PCCB: variants seen among roughly 807,000 people sequenced by gnomAD.
PCCB encodes propionyl-CoA carboxylase subunit beta, also known as propionyl-CoA carboxylase beta chain, mitochondrial.
A neutral mutation model predicts 60.7 loss-of-function variants in PCCB; 43 were observed. The ratio of observed to expected loss-of-function variants is 0.71; its 90% CI spans 0.55 to 0.91. PCCB has a LOEUF of 0.91. PCCB is among the 40% of genes least tolerant of loss of function. The probability of loss-of-function intolerance (pLI) is 0.00; values close to 1 mark genes in which losing one functional copy is unlikely to be tolerated. For missense variants in PCCB, 766 were observed against 702.8 expected (o/e 1.09, Z -1.02); for synonymous variants, 276 against 255.9 (o/e 1.08, Z -0.75).
intron 3 of PCCB, among the ~76,000 whole-genome samples, chr3:136,259,758 A>G (rs1411682003): frequency 1.3e-5 from 2 of 152,066 alleles, no homozygotes; most frequent in Non-Finnish European, 2.9e-5. Flanking sequence ...AACTATATGT[A>G]TGTATTTTTT....
intron 4 of PCCB, among the ~76,000 whole-genome samples, chr3:136,261,413 G>T (rs1941820831): frequency 6.6e-6 from 1 of 152,192 alleles, no homozygotes; most frequent in South Asian, 2.1e-4. Context: ...ATGGGTAAAT[G>T]AGGTAATGGA....
chr3:136,286,040 T>C (rs1177646990), intron 6 of PCCB, among the ~76,000 whole-genome samples: 1 of 152,218 alleles, frequency 6.6e-6, no homozygotes, highest in African/African-American at 2.4e-5. Context: ...AATGAGGAGT[T>C]AGCCCTACCA....
chr3:136,327,185 G>A lies in PCCB; in HGVS notation c.1229G>A (p.Arg410Gln), dbSNP rs778742647. 30 of 1,613,986 alleles carry A rather than the reference G, an allele frequency of 1.9e-5. No homozygotes were observed. Among genetic ancestry groups the A allele is most frequent in the East Asian group, 8.9e-5 (4 of 44,900 alleles). The change falls in exon 12 of 15, where the codon CGG becomes CAG. Residue 410 changes from arginine (R) to glutamine (Q), a missense_variant. Transcript: ENST00000251654. Reference protein sequence around the residue: ...GTAQEYGGIIRHGAKLLYAFA... With the variant: ...GTAQEYGGIIQHGAKLLYAFA... ...GCACAGGAATACGGGGGCATCATCC[G>A]GCATGGTGCCAAGCTTCTCTACGCA...
At chr3:136,292,689 G>T (rs920907514) in intron 6 of PCCB, among the ~76,000 whole-genome samples, 1 of 152,216 alleles carries the variant, frequency 6.6e-6, no homozygotes, top group African/African-American at 2.4e-5. Flanking sequence ...TGTATTGAAA[G>T]AATGTGTTGG....
At chr3:136,277,435 A>G (rs1312156874) in intron 5 of PCCB, among the ~76,000 whole-genome samples, 1 of 151,944 alleles carries the variant, frequency 6.6e-6, no homozygotes, top group Middle Eastern at 3.2e-3. Flanking sequence ...GTTGCCCAGG[A>G]GGTATTCTGG....
At chr3:136,327,765 C>A in intron 13 of PCCB, 33 bp downstream of exon 13, 1 of 1,512,582 alleles carries the variant, frequency 6.6e-7, no homozygotes, top group Non-Finnish European at 9.2e-7. Context: ...TTTCTGGGTC[C>A]AAGGACTCGA....
chr3:136,270,932 C>T (rs1576414752), intron 5 of PCCB, among the ~76,000 whole-genome samples: 1 of 151,990 alleles, frequency 6.6e-6, no homozygotes, highest in East Asian at 1.9e-4. Context: ...ATTTGTATAT[C>T]TTCTTTTGAG....
chr3:136,273,967 C>T (rs1942275911), intron 5 of PCCB, among the ~76,000 whole-genome samples: 1 of 149,418 alleles, frequency 6.7e-6, no homozygotes, highest in South Asian at 2.1e-4. Context: ...TTTTGGTTCC[C>T]ATTTGCATGG....
chr3:136,273,709 G>A (rs1326213543), intron 5 of PCCB, among the ~76,000 whole-genome samples: 1 of 145,322 alleles, frequency 6.9e-6, no homozygotes, highest in East Asian at 2.0e-4. Flanking sequence ...TCAGGAGATC[G>A]AGACCATCCT....
rs144907014 is a variant in PCCB at position 136,301,059 on chromosome 3, T to C, written c.914T>C (p.Ile305Thr). ...CGTCTGGTTCCTGAGCTTGACACAA[T>C]TGTCCCTTTGGAATCAACCAAAGCC... ...SDRLVPELDT[I>T]VPLESTKAYN... Residue 305 changes from isoleucine to threonine, a missense_variant, in exon 9 of 15, where the codon ATT (isoleucine) becomes ACT (threonine). Physicochemically the swap from Ile to Thr is moderately conservative, Grantham distance 89 (BLOSUM62 -1). Coordinates refer to ENST00000251654, the MANE Select transcript of PCCB (RefSeq NM_000532.5). 3 of 1,614,186 alleles carry C rather than the reference T, an allele frequency of 1.9e-6. No homozygotes were observed. The highest frequency in any genetic ancestry group is 2.5e-6 in the Non-Finnish European group (3 of 1,180,008).
Position 136,297,947 on chromosome 3 carries a change from C to A in PCCB, c.764-5C>A, listed in dbSNP as rs1934010592. 1.9e-6 allele frequency: 3 copies of A among 1,614,084 alleles called. No homozygotes were observed. Among genetic ancestry groups the A allele is most frequent in the South Asian group, 2.2e-5 (2 of 91,060 alleles). ...CTCAATCATATATGCTCCCTGTTCT[C>A]TTAGGTGTGGCCCACAGAGCTTTTG... On this transcript the variant is annotated splice_region_variant and splice_polypyrimidine_tract_variant and intron_variant, in intron 7 of 14. Coordinates refer to ENST00000251654, the MANE Select transcript of PCCB (RefSeq NM_000532.5).
At chr3:136,270,814 A>G (rs1176004099) in intron 5 of PCCB, among the ~76,000 whole-genome samples, 1 of 151,804 alleles carries the variant, frequency 6.6e-6, no homozygotes, top group East Asian at 1.9e-4. Context: ...CTGTTTTTTG[A>G]CTTTTTAATT....
intron 5 of PCCB, among the ~76,000 whole-genome samples, chr3:136,264,867 T>A (rs1576409860): frequency 2.1e-5 from 2 of 97,012 alleles, no homozygotes. Context: ...AGAGCAAGAC[T>A]CCGTCTCAAA....
chr3:136,315,599 G>T (rs1200523878), intron 9 of PCCB, among the ~76,000 whole-genome samples: 1 of 152,154 alleles, frequency 6.6e-6, no homozygotes, highest in Admixed American at 6.5e-5. Flanking sequence ...GGGAGGCTGA[G>T]GCAGGTGGAT....
intron 8 of PCCB, among the ~76,000 whole-genome samples, chr3:136,298,626 T>C (rs1271414898): frequency 6.6e-6 from 1 of 152,220 alleles, no homozygotes; most frequent in Non-Finnish European, 1.5e-5. Context: ...GGGACAGTCC[T>C]GGGGAAGGGT....
At chr3:136,277,103 C>T (rs912746721) in intron 5 of PCCB, among the ~76,000 whole-genome samples, 5 of 152,212 alleles carry the variant, frequency 3.3e-5, no homozygotes, top group Non-Finnish European at 7.3e-5. Flanking sequence ...AACACTAGTG[C>T]TGATGGGAGT....
At chr3:136,293,120 C>T (rs1933773410) in intron 6 of PCCB, among the ~76,000 whole-genome samples, 1 of 152,140 alleles carries the variant, frequency 6.6e-6, no homozygotes, top group African/African-American at 2.4e-5. Context: ...TCCCGCCTCA[C>T]TCTCCTGAAT....
intron 5 of PCCB, among the ~76,000 whole-genome samples, chr3:136,269,929 T>G (rs1478547937): frequency 6.7e-6 from 1 of 150,158 alleles, no homozygotes; most frequent in Non-Finnish European, 1.5e-5. Flanking sequence ...ATCCTTGTCT[T>G]GTTCCTAATC....
chr3:136,313,984 G>T (rs1345755596), intron 9 of PCCB, among the ~76,000 whole-genome samples: 1 of 152,108 alleles, frequency 6.6e-6, no homozygotes, highest in Non-Finnish European at 1.5e-5. Context: ...TTATCAGCAT[G>T]AACTCATGGT....
Sources: gnomAD v4.1 joint callset for allele counts (sites outside exome capture counted in the v4.1 genomes callset) on GRCh38, gnomAD v4.1.1 for gene constraint, MANE v1.5 for transcripts, NCBI Gene and HGNC (gene_info 2026-07-23, HGNC 2026-07-21) for gene names.